Variants in PRCD observed in about 807,000 individuals in gnomAD.
PRCD encodes photoreceptor disk component PRCD.
In PRCD, 12 loss-of-function variants were observed where a neutral mutation model predicts 10.1. The ratio of observed to expected loss-of-function variants is 1.18; its 90% CI spans 0.76 to 1.92. The LOEUF is 1.92. Ranked by LOEUF, PRCD falls within the 40% of genes most tolerant of loss-of-function variation. The pLI, the probability that PRCD is intolerant of heterozygous loss-of-function variation, is 0.00. For missense variants in PRCD, 61 were observed against 72.2 expected, an observed-to-expected ratio of 0.84 and a Z score of 0.56; for synonymous variants, 31 against 26.2, an observed-to-expected ratio of 1.18 and a Z score of -0.56.
rs1490111411 is a variant in PRCD at position 76,543,874 on chromosome 17, C to T, written c.*224C>T. ...TAAGAAATGCCAGTTGGATCTGTGA[C>T]ATGTCTGCCTGCAGCTGGATGGGAG... On this transcript the variant is annotated 3_prime_UTR_variant, in exon 5 of 5. Transcript: ENST00000592014. 2 of 471,000 alleles carry T rather than the reference C, an allele frequency of 4.2e-6. No homozygotes were observed. The highest frequency in any genetic ancestry group is 4.7e-5 in the Admixed American group (2 of 42,566). The allele number at this position is 471,000 out of a possible 1,614,324, so 29.2% of individuals were successfully genotyped here.
intron 1 of PRCD, chr17:76,529,449 G>A: frequency 1.0e-6 from 1 of 985,472 alleles, no homozygotes; most frequent in Non-Finnish European, 1.2e-6. Context: ...CTAGGGCAGG[G>A]TGGGGAGGGC....
rs1249263641 is a variant in PRCD, at chr17:76,544,978, AGGGGCTGCTGGCGGCCAGC to A, written c.*1336_*1354del. On this transcript the variant is annotated 3_prime_UTR_variant, in exon 5 of 5. Transcript: ENST00000592014. ...GAGGAAGGGCGGGAAAAAGAGAGGA[AGGGGCTGCTGGCGGCCAGC>A]GGGGCTGTGGCTGCCTGGGCTTGGA... 1 of 444,398 alleles carries A rather than the reference AGGGGCTGCTGGCGGCCAGC, an allele frequency of 2.3e-6. No individual in the cohort carries two copies. Among genetic ancestry groups the A allele is most frequent in the African/African-American group, 2.2e-5 (1 of 45,540 alleles). 27.5% of individuals were successfully genotyped at this position (444,398 alleles called of 1,614,324 possible).
At chr17:76,538,947 G>T (rs1026550019), upstream of PRCD, among the ~76,000 whole-genome samples, 3 of 152,234 alleles carry the variant, frequency 2.0e-5, no homozygotes, top group Non-Finnish European at 4.4e-5. Flanking sequence ...CTTAAAATCC[G>T]ACTTTAAGGT....
At chr17:76,547,843 A>T (rs1435608074), downstream of PRCD, among the ~76,000 whole-genome samples, 1 of 129,066 alleles carries the variant, frequency 7.7e-6, no homozygotes, top group African/African-American at 3.8e-5. Context: ...ACACACATTC[A>T]CACACACACA....
Position 76,530,140 on chromosome 17 carries a change from G to GGGAATGTTTCTCTACCA in PRCD, n.45+2307_45+2308insGGAATGTTTCTCTACCA. ...TACCACGGGAATGTTTCTCTACCAC[G>GGGAATGTTTCTCTACCA]CGTGTCCCGGGCTGCTGGCTGACCT... On this transcript the variant is annotated intron_variant and non_coding_transcript_variant, in intron 1 of 4. Transcript: ENST00000397633. This position sits in a 1 kb window ranked among gnomAD's most constrained non-coding sequence, Gnocchi z 6.1. The GGGAATGTTTCTCTACCA allele has an allele frequency of 3.0e-5, 29 of 966,456 alleles. No individual in the cohort carries two copies. Among genetic ancestry groups the GGGAATGTTTCTCTACCA allele is most frequent in the Middle Eastern group, 5.3e-4 (1 of 1,876 alleles). The allele number at this position is 966,456 out of a possible 1,614,324, so 59.9% of individuals were successfully genotyped here.
intron 3 of PRCD, 62 bp downstream of exon 3, chr17:76,542,695 C>T (rs2075006427): frequency 9.4e-7 from 1 of 1,069,394 alleles, no homozygotes; most frequent in African/African-American, 1.6e-5. Flanking sequence ...CAGGAAGCAA[C>T]AGGCAAGTCC....
upstream of PRCD, among the ~76,000 whole-genome samples, chr17:76,538,997 C>G (rs2074955862): frequency 6.6e-6 from 1 of 152,248 alleles, no homozygotes; most frequent in Admixed American, 6.5e-5. Context: ...CCAGCCTCAG[C>G]TGCAGCCTGG....
In PRCD at chr17:76,543,999, GT is replaced by G. The variant is rs1380751918; in HGVS notation, c.*354del. The stretch of plus-strand genomic sequence containing the variant: ...GTGGGAAGGAAAAAGCCTGACACTT[GT>G]TTTTATCAATTTGCTGATGCTCAGT... On this transcript the variant is annotated 3_prime_UTR_variant, in exon 5 of 5. Coordinates refer to ENST00000592014, the MANE Select transcript of PRCD (RefSeq NM_001077620.3). 2.2e-6 allele frequency: 1 copy of G among 458,760 alleles called. No homozygotes were observed. Among genetic ancestry groups the G allele is most frequent in the Non-Finnish European group, 4.4e-6 (1 of 226,992 alleles). 28.4% of individuals were successfully genotyped at this position (458,760 alleles called of 1,614,324 possible). A position where few individuals can be genotyped will look rare whatever the true frequency, so the allele number is the denominator to read the frequency against.
Position 76,540,253 on chromosome 17 carries a change from G to GGT in PRCD, c.74+39_74+40insTG. On this transcript the variant is annotated intron_variant, in intron 1 of 4. Transcript: ENST00000592014. The surrounding 1 kb of genome is among the most constrained non-coding windows in gnomAD (Gnocchi z 5.0). ...CCGGGCTATGGCTGGCGGTTGGTCG[G>GGT]GGGGGGGGGGCATGGGGCTGGGCTG... 9.5e-7 allele frequency: 1 copy of GGT among 1,048,424 alleles called. No homozygotes were observed. The highest frequency in any genetic ancestry group is 1.4e-5 in the South Asian group (1 of 71,236). 64.9% of individuals were successfully genotyped at this position (1,048,424 alleles called of 1,614,324 possible).
chr17:76,540,083 G>T lies in PRCD; in HGVS notation c.-59G>T. The stretch of plus-strand genomic sequence containing the variant: ...CCTGAGAGCTGGCTGGGGCCATTTT[G>T]GCCCCTCGCCTGTGGCCTTCTGCAG... On this transcript the variant is annotated 5_prime_UTR_variant, in exon 1 of 5. Transcript: ENST00000592014. This position sits in a 1 kb window ranked among gnomAD's most constrained non-coding sequence, Gnocchi z 5.0. 1 of 1,536,930 alleles carries T rather than the reference G, an allele frequency of 6.5e-7. No individual in the cohort carries two copies. Among genetic ancestry groups the T allele is most frequent in the East Asian group, 2.4e-5 (1 of 42,008 alleles).
chr17:76,540,004 CT>C, upstream of PRCD: 1 of 894,744 alleles, frequency 1.1e-6, no homozygotes, highest in Admixed American at 2.2e-5. The surrounding 1 kb of genome is among the most constrained non-coding windows in gnomAD (Gnocchi z 5.0). Context: ...CACTAATCAG[CT>C]TGAGCCTCCT....
chr17:76,540,514 C>T lies in PRCD; in HGVS notation c.84C>T (p.Ser28=), dbSNP rs1302740609. The part of the protein sequence containing the change: ...RFANRVQPEP[S]DVDGAARGSS... ...CTCTTGCCTCCCACAGAGAGCCCAG[C>T]GACGTGGATGGGGCAGCTAGGGGCA... Residue 28 remains serine, a synonymous_variant, in exon 2 of 5, where the codon AGC becomes AGT. Coordinates refer to ENST00000592014, the MANE Select transcript of PRCD (RefSeq NM_001077620.3). This position sits in a 1 kb window ranked among gnomAD's most constrained non-coding sequence, Gnocchi z 5.0. The T allele has an allele frequency of 5.6e-6, 9 of 1,613,278 alleles. No homozygotes were observed. Among genetic ancestry groups the T allele is most frequent in the Admixed American group, 3.3e-5 (2 of 59,996 alleles).
rs1220028790 is a variant in PRCD, at chr17:76,532,608, T to G, written n.45+4775T>G. On this transcript the variant is annotated intron_variant and non_coding_transcript_variant, in intron 1 of 4. Transcript: ENST00000397633. ...GTGTGGTGGTGCAATCTTGGCTCGC[T>G]GCAACCTCTGCCTCCTGGGTTCAAG... is the stretch of plus-strand genomic sequence containing the variant. Among the ~76,000 whole-genome samples, 21 of 150,552 alleles carry G rather than the reference T, an allele frequency of 1.4e-4. No individual in the cohort carries two copies. The Admixed American group carries it at 1.4e-3, about 10-fold the overall frequency.
At chr17:76,534,328 G>A (rs2074890236) in intron 1 of PRCD, among the ~76,000 whole-genome samples, 1 of 152,030 alleles carries the variant, frequency 6.6e-6, no homozygotes, top group East Asian at 1.9e-4. Flanking sequence ...ACAGGTGCCC[G>A]CCACCACACC....
At position 76,531,451 on chromosome 17, in the gene PRCD, G is replaced by A; in HGVS notation, n.45+3618G>A. ...CGGTGGGGGCTCTGCAGCAGATGGG[G>A]GCGCATACCTTGAAGTACACCGGTT... On this transcript the variant is annotated intron_variant and non_coding_transcript_variant, in intron 1 of 4. Coordinates refer to the PRCD transcript ENST00000397633. The surrounding 1 kb of genome is among the most constrained non-coding windows in gnomAD (Gnocchi z 7.4). The A allele has an allele frequency of 6.2e-7, 1 of 1,600,606 alleles. No individual in the cohort carries two copies. The highest frequency in any genetic ancestry group is 1.1e-5 in the South Asian group (1 of 90,874).
downstream of PRCD, among the ~76,000 whole-genome samples, chr17:76,547,696 CACAG>C (rs1211763894): frequency 5.9e-5 from 9 of 151,388 alleles, no homozygotes; most frequent in East Asian, 1.9e-4. Flanking sequence ...CATTCACACA[CACAG>C]ACACACACAC....
chr17:76,537,312 G>T, upstream of PRCD: 1 of 1,373,464 alleles, frequency 7.3e-7, no homozygotes. Flanking sequence ...AGGTGGCGCT[G>T]GAGCTCGGAC....
At chr17:76,529,019 A>G in intron 1 of PRCD, 1 of 991,092 alleles carries the variant, frequency 1.0e-6, no homozygotes, top group Non-Finnish European at 1.2e-6. Context: ...TTCTCGGTAC[A>G]CACAGCGCCC....
chr17:76,539,159 C>G (rs559842098), upstream of PRCD, among the ~76,000 whole-genome samples: 1 of 152,264 alleles, frequency 6.6e-6, no homozygotes, highest in East Asian at 1.9e-4. Context: ...GGTTCTCACA[C>G]CACTCCCAGA....
Sources: allele counts gnomAD v4.1 joint callset (sites outside exome capture counted in the v4.1 genomes callset), GRCh38; gene constraint gnomAD v4.1.1; non-coding constraint Gnocchi (gnomAD v3.1); transcripts MANE v1.5; gene names NCBI Gene and HGNC (gene_info 2026-07-23, HGNC 2026-07-21).